PTPRM: variants seen among roughly 807,000 people sequenced by gnomAD.
PTPRM encodes receptor-type tyrosine-protein phosphatase mu.
Under a neutral mutation model 186.7 loss-of-function variants are expected in PTPRM, and 47 were observed. The observed-to-expected ratio is 0.25, with a 90% confidence interval of 0.20 to 0.32. The LOEUF (loss-of-function observed/expected upper bound fraction) is 0.32, where lower values mean the gene tolerates loss of function less well. Among genes scored for constraint, PTPRM ranks in the 10% least tolerant of loss-of-function variants. The pLI, the probability that PTPRM is intolerant of heterozygous loss-of-function variation, is 1.00. For synonymous variants in PTPRM, 668 were observed against 674.9 expected, an observed-to-expected ratio of 0.99 and a Z score of 0.16; for missense variants, 1,494 against 1,865.0, an observed-to-expected ratio of 0.80 and a Z score of 3.66.
At chr18:8,108,223 G>A (rs888558004) in intron 11 of PTPRM, among the ~76,000 whole-genome samples, 12 of 151,840 alleles carry the variant, frequency 7.9e-5, no homozygotes, top group Admixed American at 7.9e-4. Flanking sequence ...ATAATGGATG[G>A]TTTTTACCAA....
intron 19 of PTPRM, among the ~76,000 whole-genome samples, chr18:8,261,381 C>T (rs1390548033): frequency 6.6e-6 from 1 of 152,060 alleles, no homozygotes; most frequent in East Asian, 1.9e-4. Flanking sequence ...GCTGGTGAGC[C>T]AGGTCCATAA....
At chr18:8,227,966 G>A (rs950920875) in intron 14 of PTPRM, among the ~76,000 whole-genome samples, 2 of 152,194 alleles carry the variant, frequency 1.3e-5, no homozygotes, top group Non-Finnish European at 2.9e-5. Context: ...TTGCTGTGAT[G>A]TGAGAAATAA....
At chr18:7,978,894 C>T (rs1158072381) in intron 7 of PTPRM, among the ~76,000 whole-genome samples, 2 of 151,964 alleles carry the variant, frequency 1.3e-5, no homozygotes, top group African/African-American at 2.4e-5. Context: ...TCTTTCCACC[C>T]TCAGAATTGC....
intron 1 of PTPRM, among the ~76,000 whole-genome samples, chr18:7,596,655 A>G (rs1341137896): frequency 1.3e-5 from 2 of 152,178 alleles, no homozygotes; most frequent in Non-Finnish European, 2.9e-5. Flanking sequence ...CTGCAGTGTC[A>G]GGGATCCACC....
chr18:7,723,529 C>T (rs1348579960), intron 1 of PTPRM, among the ~76,000 whole-genome samples: 2 of 152,188 alleles, frequency 1.3e-5, no homozygotes, highest in East Asian at 1.9e-4. Context: ...GAGACCTCCA[C>T]TGACTGTCAG....
intron 14 of PTPRM, among the ~76,000 whole-genome samples, chr18:8,176,037 C>G (rs975615829): frequency 4.6e-5 from 7 of 152,264 alleles, no homozygotes; most frequent in South Asian, 2.1e-4. Context: ...GCATTGCTAA[C>G]TGAGAGAAGC....
At chr18:8,319,603 T>C (rs1473880831) in intron 22 of PTPRM, among the ~76,000 whole-genome samples, 2 of 152,150 alleles carry the variant, frequency 1.3e-5, no homozygotes, top group East Asian at 3.8e-4. Context: ...CTCACAGTGG[T>C]TGTGTTTAGT....
intron 7 of PTPRM, among the ~76,000 whole-genome samples, chr18:7,985,494 TAC>T (rs2082902817): frequency 6.7e-6 from 1 of 149,014 alleles, no homozygotes; most frequent in African/African-American, 2.4e-5. Flanking sequence ...TACTGGTAGA[TAC>T]GTATATAAAT....
intron 2 of PTPRM, among the ~76,000 whole-genome samples, chr18:7,883,888 T>C (rs958879005): frequency 2.6e-5 from 4 of 152,170 alleles, no homozygotes; most frequent in Non-Finnish European, 4.4e-5. Flanking sequence ...ACACCTGTAA[T>C]CCTAACATTT....
rs371753405 is a variant in PTPRM, at chr18:8,239,162, G to C, written c.2301-4896G>C. Among the ~76,000 whole-genome samples the C allele has an allele frequency of 1.2e-3, 111 of 95,356 alleles. 1 individual carries two copies. In the East Asian group the frequency reaches 0.018, roughly 15 times the overall value. 62.6% of individuals were successfully genotyped at this position (95,356 alleles called of 152,430 possible). On this transcript the variant is annotated intron_variant, in intron 14 of 32. Transcript: ENST00000580170. ...CCTCCCCCCTCCCCCCACCCCACAA[G>C]AGTCCCCAGAGTGTGATGTTCCCCT...
chr18:8,098,910 GC>G (rs928180516), intron 11 of PTPRM, among the ~76,000 whole-genome samples: 46 of 152,174 alleles, frequency 3.0e-4, no homozygotes, highest in African/African-American at 1.1e-3. Flanking sequence ...TCTCCCTATT[GC>G]CTTCAGCATA....
At chr18:7,866,035 G>A (rs886883552) in intron 2 of PTPRM, among the ~76,000 whole-genome samples, 11 of 151,926 alleles carry the variant, frequency 7.2e-5, no homozygotes, top group Admixed American at 4.6e-4. Context: ...GTGATATCCC[G>A]TTTATTATTT....
chr18:8,247,127 A>G (rs1018548744), intron 15 of PTPRM, among the ~76,000 whole-genome samples: 1 of 152,158 alleles, frequency 6.6e-6, no homozygotes, highest in African/African-American at 2.4e-5. Flanking sequence ...ACTTAAAAAA[A>G]TTATTCTATC....
At chr18:8,149,537 G>A (rs932905255) in intron 14 of PTPRM, among the ~76,000 whole-genome samples, 1 of 152,034 alleles carries the variant, frequency 6.6e-6, no homozygotes. Flanking sequence ...TTTGAGCCGT[G>A]TGCATCTTTG....
Position 8,391,440 on chromosome 18 carries a change from C to T in PTPRM, c.4209-3036C>T, listed in dbSNP as rs867542530. On this transcript the variant is annotated intron_variant, in intron 31 of 32. Transcript: ENST00000580170. ...AAACAATAAACTACCAATATAACAC[C>T]GTGGGTGATTCTCACACAGACAACA... is the stretch of plus-strand genomic sequence containing the variant. 7.2e-5 allele frequency among the ~76,000 whole-genome samples: 11 copies of T among 152,284 alleles called. No homozygotes were observed. In the Middle Eastern group the frequency reaches 0.01, roughly 142 times the overall value.
intron 4 of PTPRM, among the ~76,000 whole-genome samples, 159 bp from the exon 5 acceptor site, chr18:7,926,409 A>G (rs1448410313): frequency 1.3e-5 from 2 of 152,184 alleles, no homozygotes; most frequent in African/African-American, 4.8e-5. Context: ...ATTTTTTAAA[A>G]ATTATAGTTA....
intron 3 of PTPRM, among the ~76,000 whole-genome samples, chr18:7,889,335 T>TTC (rs61319620): frequency 0.07 from 5,913 of 84,504 alleles, 331 homozygotes; most frequent in African/African-American, 0.25. Context: ...TTTTCTTTCT[T>TTC]TTTTTTTTTT....
intron 7 of PTPRM, among the ~76,000 whole-genome samples, chr18:7,998,963 A>C (rs958463043): frequency 6.6e-6 from 1 of 152,150 alleles, no homozygotes; most frequent in African/African-American, 2.4e-5. Flanking sequence ...CCTGTATAGC[A>C]TTATTTATTG....
intron 13 of PTPRM, among the ~76,000 whole-genome samples, chr18:8,123,889 CT>C (rs1281253463): frequency 1.3e-5 from 2 of 152,194 alleles, no homozygotes; most frequent in Non-Finnish European, 2.9e-5. Context: ...AAAACAAGTA[CT>C]TACGAAATAT....
Sources: allele counts gnomAD v4.1 joint callset (sites outside exome capture counted in the v4.1 genomes callset), GRCh38; gene constraint gnomAD v4.1.1; transcripts MANE v1.5; gene names NCBI Gene and HGNC (gene_info 2026-07-23, HGNC 2026-07-21).